The following GTF2H4 variants were observed in gnomAD, a reference collection of about 807,000 sequenced individuals.
The protein encoded by GTF2H4 is general transcription factor IIH subunit 4, also known as BTF2 p52.
A neutral mutation model predicts 62.2 loss-of-function variants in GTF2H4; 49 were observed. The ratio of observed to expected loss-of-function variants is 0.79; its 90% CI spans 0.63 to 1.00. The LOEUF (loss-of-function observed/expected upper bound fraction) is 1.00. Among genes scored for constraint, GTF2H4 ranks in the 50% least tolerant of loss-of-function variants. GTF2H4 has a pLI of 0.00. For synonymous variants in GTF2H4, 189 were observed against 233.8 expected (o/e 0.81, Z 1.75); for missense variants, 479 against 587.8 (o/e 0.81, Z 1.91).
At position 30,909,781 on chromosome 6, in the gene GTF2H4, A is replaced by G; in HGVS notation, c.243-151A>G. 1.4e-6 allele frequency: 1 copy of G among 734,626 alleles called. No individual in the cohort carries two copies. The highest frequency in any genetic ancestry group is 1.8e-5 in the South Asian group (1 of 55,620). The allele number at this position is 734,626 out of a possible 1,614,324, so 45.5% of individuals were successfully genotyped here. On this transcript the variant is annotated intron_variant, in intron 3 of 13. Coordinates refer to ENST00000259895, the MANE Select transcript of GTF2H4 (RefSeq NM_001517.5). The surrounding 1 kb of genome is among the most constrained non-coding windows in gnomAD (Gnocchi z 4.3). The stretch of plus-strand genomic sequence containing the variant: ...GTAATGAGGCTCTGATAAGTAATGC[A>G]GTAAAGAATTTGTCTTAGGAAGATA...
At position 30,913,350 on chromosome 6, in the gene GTF2H4, C is replaced by G; in HGVS notation, c.1179C>G (p.Leu393=). The G allele has an allele frequency of 6.2e-7, 1 of 1,613,314 alleles. No individual in the cohort carries two copies. The highest frequency in any genetic ancestry group is 2.2e-5 in the East Asian group (1 of 44,886). The change falls in exon 13 of 14, where the codon CTC becomes CTG. Residue 393 remains leucine, a synonymous_variant. Coordinates refer to ENST00000259895, the MANE Select transcript of GTF2H4 (RefSeq NM_001517.5). This position sits in a 1 kb window ranked among gnomAD's most constrained non-coding sequence, Gnocchi z 4.2. ...CCACCATCACCGACCAGATCCGGCT[C>G]TGGGAGCTGGAAAGGGACAGACTCC... ...LPPTITDQIR[L]WELERDRLRF...
Position 30,912,024 on chromosome 6 carries a change from G to A in GTF2H4, c.836G>A (p.Arg279Gln), listed in dbSNP as rs369103031. ...TTCTATTCTTTTCAGAGGAAATCTC[G>A]GCGTTACTACCCCACACGCCTGGCC... ...GLVFQRKRKS[R>Q]RYYPTRLAIN... The change falls in exon 10 of 14, where the codon CGG (arginine) becomes CAG (glutamine). Residue 279 changes from arginine to glutamine, a missense_variant. Arg to Gln is a conservative substitution (Grantham distance 43). Coordinates refer to ENST00000259895, the MANE Select transcript of GTF2H4 (RefSeq NM_001517.5). The surrounding 1 kb of genome is among the most constrained non-coding windows in gnomAD (Gnocchi z 4.8). 4.3e-6 allele frequency: 7 copies of A among 1,612,710 alleles called. No homozygotes were observed. In the South Asian group the frequency reaches 6.6e-5, roughly 15 times the overall value.
chr6:30,908,659 T>C (rs748921620), intron 1 of GTF2H4, among the ~76,000 whole-genome samples: 28 of 152,072 alleles, frequency 1.8e-4, no homozygotes, highest in Non-Finnish European at 3.8e-4. Context: ...GATTTGGAGC[T>C]TGTAGACTGG....
rs546540965 is a variant in GTF2H4 at position 30,913,882 on chromosome 6, G to A, written c.1288G>A (p.Val430Met). The change falls in exon 14 of 14, where the codon GTG becomes ATG. Residue 430 changes from valine (V) to methionine (M), a missense_variant. Physicochemically the swap from Val to Met is conservative, Grantham distance 21 (BLOSUM62 1). Transcript: ENST00000259895. This position sits in a 1 kb window ranked among gnomAD's most constrained non-coding sequence, Gnocchi z 4.2. ...GCTGGCCCACGCGCGGGAGCTGGGC[G>A]TGCTCGTGTTCGAGAACTCGGCCAA... ...LLLAHARELGVLVFENSAKRL... is the reference protein window; with the variant it reads ...LLLAHARELGMLVFENSAKRL... The A allele has an allele frequency of 5.6e-6, 9 of 1,609,586 alleles. No homozygotes were observed. In the Admixed American group the frequency reaches 1.3e-4, roughly 24 times the overall value.
chr6:30,913,753 G>A lies in GTF2H4; in HGVS notation c.1217-58G>A, dbSNP rs1338571315. ...GGAGCTGGGGGGATTCCCAATAGGA[G>A]CTCCGAGCTTCACTTTCTCGTCTTC... is the stretch of plus-strand genomic sequence containing the variant. On this transcript the variant is annotated intron_variant, in intron 13 of 13. Transcript: ENST00000259895. The surrounding 1 kb of genome is among the most constrained non-coding windows in gnomAD (Gnocchi z 4.2). 2.1e-6 allele frequency: 3 copies of A among 1,449,628 alleles called. No individual in the cohort carries two copies. The highest frequency in any genetic ancestry group is 1.4e-5 in the African/African-American group (1 of 69,846). The allele number at this position is 1,449,628 out of a possible 1,614,324, so 89.8% of individuals were successfully genotyped here.
Position 30,910,633 on chromosome 6 carries a change from G to T in GTF2H4, c.375-32G>T, listed in dbSNP as rs1793722017. The T allele has an allele frequency of 6.5e-7, 1 of 1,534,396 alleles. No individual in the cohort carries two copies. Among genetic ancestry groups the T allele is most frequent in the Non-Finnish European group, 9.0e-7 (1 of 1,108,942 alleles). On this transcript the variant is annotated intron_variant, in intron 4 of 13. Transcript: ENST00000259895. This position sits in a 1 kb window ranked among gnomAD's most constrained non-coding sequence, Gnocchi z 4.7. ...GGTGTGAGCCACTGCGCCTGGCCAG[G>T]GTTCCTTACTCTTGGCCCATCCTGG...
At position 30,909,765 on chromosome 6, in the gene GTF2H4, C is replaced by T. The variant is rs1189652632; in HGVS notation, c.243-167C>T. ...GTTATGTGTGATATCTGTAATGAGG[C>T]TCTGATAAGTAATGCAGTAAAGAAT... is the stretch of plus-strand genomic sequence containing the variant. On this transcript the variant is annotated intron_variant, in intron 3 of 13. Transcript: ENST00000259895. This position sits in a 1 kb window ranked among gnomAD's most constrained non-coding sequence, Gnocchi z 4.3. Among the ~76,000 whole-genome samples, 1 of 152,188 alleles carries T rather than the reference C, an allele frequency of 6.6e-6. No individual in the cohort carries two copies. The highest frequency in any genetic ancestry group is 1.5e-5 in the Non-Finnish European group (1 of 68,040).
chr6:30,910,910 C>T lies in GTF2H4; in HGVS notation c.529C>T (p.Gln177Ter), dbSNP rs1183122752. The change falls in exon 6 of 14, where the codon CAG becomes TAG. Residue 177 changes from glutamine (Q) to a stop codon, truncating the protein, a stop_gained. Coordinates refer to ENST00000259895, the MANE Select transcript of GTF2H4 (RefSeq NM_001517.5). LOFTEE classifies it high-confidence loss of function. The surrounding 1 kb of genome is among the most constrained non-coding windows in gnomAD (Gnocchi z 4.7). ...PSAAVSQDLA[Q>*]LLSQAGLMKS... Reference sequence around the variant, plus strand: ...TGCAGCTGTCAGCCAGGACTTGGCTCAGCTCCTCAGCCAGGCTGGGCTCAT... The same window carrying T: ...TGCAGCTGTCAGCCAGGACTTGGCTTAGCTCCTCAGCCAGGCTGGGCTCAT... 1 of 1,610,976 alleles carries T rather than the reference C, an allele frequency of 6.2e-7. No individual in the cohort carries two copies. The highest frequency in any genetic ancestry group is 8.5e-7 in the Non-Finnish European group (1 of 1,179,146).
At position 30,910,503 on chromosome 6, in the gene GTF2H4, G is replaced by C. The variant is rs1396798004; in HGVS notation, c.375-162G>C. On this transcript the variant is annotated intron_variant, in intron 4 of 13. Coordinates refer to ENST00000259895, the MANE Select transcript of GTF2H4 (RefSeq NM_001517.5). This position sits in a 1 kb window ranked among gnomAD's most constrained non-coding sequence, Gnocchi z 4.7. ...CACCACGACGCCAGGCTAATTTTTT[G>C]TATTTTTAGTAGAGATGGGGTTTCG... 1.5e-6 allele frequency: 1 copy of C among 666,052 alleles called. No individual in the cohort carries two copies. The highest frequency in any genetic ancestry group is 2.7e-6 in the Non-Finnish European group (1 of 364,206). The allele number at this position is 666,052 out of a possible 1,614,324, so 41.3% of individuals were successfully genotyped here.
intron 1 of GTF2H4, 41 bp from the exon 2 acceptor site, chr6:30,908,993 A>G: frequency 6.2e-7 from 1 of 1,612,430 alleles, no homozygotes; most frequent in Non-Finnish European, 8.5e-7. Context: ...TGACACTGGC[A>G]TGGATGGTGA....
At position 30,911,505 on chromosome 6, in the gene GTF2H4, C is replaced by G; in HGVS notation, c.741+6C>G. 6.2e-7 allele frequency: 1 copy of G among 1,612,354 alleles called. No individual in the cohort carries two copies. Among genetic ancestry groups the G allele is most frequent in the Non-Finnish European group, 8.5e-7 (1 of 1,178,476 alleles). On this transcript the variant is annotated splice_donor_region_variant and intron_variant, in intron 8 of 13. Transcript: ENST00000259895. The surrounding 1 kb of genome is among the most constrained non-coding windows in gnomAD (Gnocchi z 4.3). ...GCTTCTCTACTCTGGGCAAGGTAAG[C>G]AGGGGGCTGAAAGGTATAGAGATGG...
chr6:30,913,862 C>T lies in GTF2H4; in HGVS notation c.1268C>T (p.Ala423Val), dbSNP rs1277298260. The T allele has an allele frequency of 2.5e-6, 4 of 1,606,824 alleles. No homozygotes were observed. In the Admixed American group the frequency reaches 6.7e-5, roughly 27 times the overall value. Residue 423 changes from alanine (A) to valine (V), a missense_variant, in exon 14 of 14, where the codon GCC (alanine) becomes GTC (valine). Coordinates refer to ENST00000259895, the MANE Select transcript of GTF2H4 (RefSeq NM_001517.5). The surrounding 1 kb of genome is among the most constrained non-coding windows in gnomAD (Gnocchi z 4.2). ...CAAGTGGACTTTGAGCTGCTGCTGG[C>T]CCACGCGCGGGAGCTGGGCGTGCTC... ...LSQVDFELLLAHARELGVLVF... is the reference protein window; with the variant it reads ...LSQVDFELLLVHARELGVLVF...
chr6:30,912,354 G>T lies in GTF2H4; in HGVS notation c.985G>T (p.Ala329Ser). Residue 329 changes from alanine to serine, a missense_variant, in exon 11 of 14, where the codon GCC (alanine) becomes TCC (serine). Transcript: ENST00000259895. The surrounding 1 kb of genome is among the most constrained non-coding windows in gnomAD (Gnocchi z 4.8). ...TESELQIALI[A>S]LFSEMLYRFP... The stretch of plus-strand genomic sequence containing the variant: ...GTCGGAGCTGCAGATTGCCCTCATT[G>T]CCCTCTTCTCTGAGATGCTCTATCG... 6.2e-7 allele frequency: 1 copy of T among 1,612,986 alleles called. No homozygotes were observed.
rs764402550 is a variant in GTF2H4 at position 30,910,655 on chromosome 6, C to A, written c.375-10C>A. The A allele has an allele frequency of 6.2e-7, 1 of 1,609,566 alleles. No individual in the cohort carries two copies. Among genetic ancestry groups the A allele is most frequent in the South Asian group, 1.1e-5 (1 of 91,012 alleles). Reference sequence around the variant, plus strand: ...CAGGGTTCCTTACTCTTGGCCCATCCTGGCCGTAGGGGGAAGGCCTGGTCT... The same window carrying A: ...CAGGGTTCCTTACTCTTGGCCCATCATGGCCGTAGGGGGAAGGCCTGGTCT... On this transcript the variant is annotated splice_polypyrimidine_tract_variant and intron_variant, in intron 4 of 13. Coordinates refer to ENST00000259895, the MANE Select transcript of GTF2H4 (RefSeq NM_001517.5). This position sits in a 1 kb window ranked among gnomAD's most constrained non-coding sequence, Gnocchi z 4.7.
In GTF2H4 at chr6:30,911,908, G is replaced by A. The variant is rs1793777236; in HGVS notation, c.826-106G>A. On this transcript the variant is annotated intron_variant, in intron 9 of 13. Transcript: ENST00000259895. The surrounding 1 kb of genome is among the most constrained non-coding windows in gnomAD (Gnocchi z 4.3). ...TACTTGGGTCTCTCGGGGGAGAGAA[G>A]TTGGGGGTTGAGGTTCTGCATCTTG... 6.8e-7 allele frequency: 1 copy of A among 1,471,382 alleles called. No homozygotes were observed. Among genetic ancestry groups the A allele is most frequent in the South Asian group, 1.2e-5 (1 of 84,422 alleles). 91.1% of individuals were successfully genotyped at this position (1,471,382 alleles called of 1,614,324 possible).
Position 30,912,929 on chromosome 6 carries a change from A to T in GTF2H4, c.1090-181A>T, listed in dbSNP as rs998888955. Among the ~76,000 whole-genome samples the T allele has an allele frequency of 3.3e-5, 5 of 152,202 alleles. No homozygotes were observed. Among genetic ancestry groups the T allele is most frequent in the African/African-American group, 1.2e-4 (5 of 41,452 alleles). On this transcript the variant is annotated intron_variant, in intron 11 of 13. Transcript: ENST00000259895. The surrounding 1 kb of genome is among the most constrained non-coding windows in gnomAD (Gnocchi z 4.8). Reference sequence around the variant, plus strand: ...AAAGGGCGAATGTGCCAGAAAAGGAATATCCCACGTTGCTGGGAGCAGCAA... The same window carrying T: ...AAAGGGCGAATGTGCCAGAAAAGGATTATCCCACGTTGCTGGGAGCAGCAA...
Position 30,913,235 on chromosome 6 carries a change from T to C in GTF2H4, c.1138-74T>C. 1 of 1,612,036 alleles carries C rather than the reference T, an allele frequency of 6.2e-7. No homozygotes were observed. Among genetic ancestry groups the C allele is most frequent in the South Asian group, 1.1e-5 (1 of 90,976 alleles). ...GAAAAGAAAAAGGGGCATCCAAATC[T>C]GGGGAAGAAACAGAGGGCCGGGTTG... On this transcript the variant is annotated intron_variant, in intron 12 of 13. Coordinates refer to ENST00000259895, the MANE Select transcript of GTF2H4 (RefSeq NM_001517.5). This position sits in a 1 kb window ranked among gnomAD's most constrained non-coding sequence, Gnocchi z 4.2.
Position 30,912,521 on chromosome 6 carries a change from G to A in GTF2H4, c.1089+63G>A. On this transcript the variant is annotated intron_variant, in intron 11 of 13. Transcript: ENST00000259895. This position sits in a 1 kb window ranked among gnomAD's most constrained non-coding sequence, Gnocchi z 4.8. ...CTGCACTTGGGCTGCGGGGGACAGG[G>A]GTCACATTATGGAAGGCTAGCTCTG... The A allele has an allele frequency of 1.9e-6, 3 of 1,595,830 alleles. No homozygotes were observed. Among genetic ancestry groups the A allele is most frequent in the Non-Finnish European group, 1.7e-6 (2 of 1,170,100 alleles).
In GTF2H4 at chr6:30,911,298, T is replaced by C. The variant is rs1376286370; in HGVS notation, c.672+29T>C. ...AGGAGGCAGGGCCACTTAACCAGCA[T>C]GCTCTGCTCCTCTCAGGTCTCACTG... On this transcript the variant is annotated intron_variant, in intron 7 of 13. Coordinates refer to ENST00000259895, the MANE Select transcript of GTF2H4 (RefSeq NM_001517.5). This position sits in a 1 kb window ranked among gnomAD's most constrained non-coding sequence, Gnocchi z 4.3. 4 of 1,562,400 alleles carry C rather than the reference T, an allele frequency of 2.6e-6. No individual in the cohort carries two copies. Among genetic ancestry groups the C allele is most frequent in the Non-Finnish European group, 3.5e-6 (4 of 1,134,212 alleles).
Sources: allele counts gnomAD v4.1 joint callset (sites outside exome capture counted in the v4.1 genomes callset), GRCh38; gene constraint gnomAD v4.1.1; non-coding constraint Gnocchi (gnomAD v3.1); transcripts MANE v1.5; gene names NCBI Gene and HGNC (gene_info 2026-07-23, HGNC 2026-07-21).